ARHGAP23: variants seen among roughly 807,000 people sequenced by gnomAD.
The protein encoded by ARHGAP23 is rho GTPase-activating protein 23.
Under a neutral mutation model 136.3 loss-of-function variants are expected in ARHGAP23, and 34 were observed. The ratio of observed to expected loss-of-function variants is 0.25; its 90% CI spans 0.19 to 0.33. ARHGAP23 has a LOEUF of 0.33. ARHGAP23 is among the 10% of genes least tolerant of loss of function. The pLI is 1.00. For synonymous variants in ARHGAP23, 832 were observed against 920.5 expected (o/e 0.90, Z 1.74); for missense variants, 1,808 against 2,139.0 (o/e 0.85, Z 3.05).
At position 38,482,630 on chromosome 17, in the gene ARHGAP23, A is replaced by G; in HGVS notation, c.2859A>G (p.Leu953=). The G allele has an allele frequency of 6.5e-7, 1 of 1,549,612 alleles. No homozygotes were observed. Among genetic ancestry groups the G allele is most frequent in the Non-Finnish European group, 8.7e-7 (1 of 1,146,698 alleles). ...VPGNNAVVSS[L]QEQLNRGPGD... Reference sequence around the variant, plus strand: ...GCAACAATGCAGTGGTGTCCAGCCTACAGGAGCAGCTCAACCGCGGGCCTG... The same window carrying G: ...GCAACAATGCAGTGGTGTCCAGCCTGCAGGAGCAGCTCAACCGCGGGCCTG... Residue 953 remains leucine, a synonymous_variant, in exon 16 of 24, where the codon CTA becomes CTG. Coordinates refer to ENST00000622683, the MANE Select transcript of ARHGAP23 (RefSeq NM_001199417.2).
intron 10 of ARHGAP23, among the ~76,000 whole-genome samples, chr17:38,471,189 G>C (rs1278723186): frequency 6.6e-6 from 1 of 152,144 alleles, no homozygotes; most frequent in Non-Finnish European, 1.5e-5. Flanking sequence ...CTGACCTCAA[G>C]TGATCCACCT....
At chr17:38,473,407 C>T (rs1422992100) in intron 11 of ARHGAP23, among the ~76,000 whole-genome samples, 2 of 152,182 alleles carry the variant, frequency 1.3e-5, no homozygotes, top group Admixed American at 6.5e-5. Context: ...CCCTGAGCCT[C>T]ACTTTCTGAT....
Position 38,466,867 on chromosome 17 carries a change from G to T in ARHGAP23, c.1184G>T (p.Arg395Leu). 1 of 1,549,636 alleles carries T rather than the reference G, an allele frequency of 6.5e-7. No individual in the cohort carries two copies. Among genetic ancestry groups the T allele is most frequent in the Non-Finnish European group, 8.7e-7 (1 of 1,146,792 alleles). Residue 395 changes from arginine (R) to leucine (L), a missense_variant, in exon 7 of 24, where the codon CGG (arginine) becomes CTG (leucine). Transcript: ENST00000622683. The stretch of plus-strand genomic sequence containing the variant: ...GCCCGCACCCCCGCCTGCCCAACTC[G>T]GGACCTGCCAGGGCCCCAGGCCCCA... ...SSARTPACPT[R>L]DLPGPQAPPP...
intron 12 of ARHGAP23, among the ~76,000 whole-genome samples, chr17:38,478,961 C>T (rs1359699733): frequency 5.3e-5 from 8 of 152,180 alleles, no homozygotes; most frequent in Non-Finnish European, 1.2e-4. Context: ...TCTTACTGAC[C>T]AGGCTCTGCT....
chr17:38,486,171 G>A, intron 17 of ARHGAP23, 31 bp downstream of exon 17: 1 of 1,530,064 alleles, frequency 6.5e-7, no homozygotes. Flanking sequence ...GGGCGGGGAG[G>A]GGACACCAGT....
intron 1 of ARHGAP23, among the ~76,000 whole-genome samples, chr17:38,449,292 C>T (rs1310985402): frequency 2.0e-5 from 3 of 152,200 alleles, no homozygotes; most frequent in Non-Finnish European, 2.9e-5. Context: ...AGTGGCCCTA[C>T]AGGGGAAGAG....
chr17:38,491,290 C>T (rs2040272994), intron 19 of ARHGAP23, 117 bp from the exon 20 acceptor site: 1 of 1,362,050 alleles, frequency 7.3e-7, no homozygotes. Context: ...AAGGGGGTGT[C>T]CACCCTCTAA....
intron 19 of ARHGAP23, among the ~76,000 whole-genome samples, chr17:38,490,786 C>G (rs1273823067): frequency 6.6e-6 from 1 of 152,216 alleles, no homozygotes; most frequent in Non-Finnish European, 1.5e-5. Context: ...CCCGGCCCCC[C>G]GTATCCGATG....
intron 16 of ARHGAP23, among the ~76,000 whole-genome samples, chr17:38,484,992 C>G (rs1483387576): frequency 6.6e-6 from 1 of 152,126 alleles, no homozygotes; most frequent in Non-Finnish European, 1.5e-5. Flanking sequence ...CTGAGTTATT[C>G]TGAGCCATTC....
intron 20 of ARHGAP23, among the ~76,000 whole-genome samples, chr17:38,493,353 G>C (rs1378209259): frequency 6.6e-6 from 1 of 151,874 alleles, no homozygotes; most frequent in Non-Finnish European, 1.5e-5. Context: ...ACACCACCTG[G>C]CTAATTTTTG....
At chr17:38,484,669 G>A (rs1489047302) in intron 16 of ARHGAP23, among the ~76,000 whole-genome samples, 3 of 152,154 alleles carry the variant, frequency 2.0e-5, no homozygotes, top group African/African-American at 4.8e-5. Context: ...TAACGGAGTC[G>A]GGTGGGCAGG....
chr17:38,460,959 C>T (rs1230865100), intron 3 of ARHGAP23, 27 bp downstream of exon 3: 1 of 1,535,364 alleles, frequency 6.5e-7, no homozygotes, highest in Admixed American at 2.0e-5. Flanking sequence ...GGGCGCTGGA[C>T]CTGCACGGGA....
intron 1 of ARHGAP23, among the ~76,000 whole-genome samples, chr17:38,454,453 G>C (rs1347602348): frequency 6.6e-6 from 1 of 152,180 alleles, no homozygotes; most frequent in African/African-American, 2.4e-5. Flanking sequence ...AGACGCTGGG[G>C]CTTCTAGGAA....
At position 38,510,961 on chromosome 17, in the gene ARHGAP23, C is replaced by T. The variant is rs940224541; in HGVS notation, c.4465C>T (p.Gln1489Ter). 1.3e-5 allele frequency: 19 copies of T among 1,452,290 alleles called. No individual in the cohort carries two copies. Among genetic ancestry groups the T allele is most frequent in the Non-Finnish European group, 1.6e-5 (18 of 1,114,708 alleles). The allele number at this position is 1,452,290 out of a possible 1,614,324, so 90.0% of individuals were successfully genotyped here. A position where few individuals can be genotyped will look rare whatever the true frequency, so the allele number is the denominator to read the frequency against. ...PRRSAASRLH[Q>*]CL ...CCGCTCGGCCGCCTCCCGCCTGCAT[C>T]AGTGTCTGTGATCCCCACCTCCCGC... The change falls in exon 24 of 24, where the codon CAG (glutamine) becomes TAG (stop). Residue 1489 changes from glutamine (Q) to a stop codon, truncating the protein, a stop_gained. Transcript: ENST00000622683. LOFTEE classifies it high-confidence loss of function. The surrounding 1 kb of genome is among the most constrained non-coding windows in gnomAD (Gnocchi z 4.6).
chr17:38,420,527 C>T (rs1455435123), intron 1 of ARHGAP23, among the ~76,000 whole-genome samples: 2 of 152,108 alleles, frequency 1.3e-5, no homozygotes, highest in Non-Finnish European at 2.9e-5. Flanking sequence ...TGGCAGAGGG[C>T]TTGTGGGTGG....
chr17:38,446,422 A>T (rs1176573473), intron 1 of ARHGAP23, among the ~76,000 whole-genome samples: 4 of 152,000 alleles, frequency 2.6e-5, no homozygotes, highest in Non-Finnish European at 5.9e-5. Flanking sequence ...CATTGTATAG[A>T]TATACCTCAT....
At chr17:38,467,976 A>G (rs1322871008) in intron 7 of ARHGAP23, among the ~76,000 whole-genome samples, 1 of 152,188 alleles carries the variant, frequency 6.6e-6, no homozygotes, top group Non-Finnish European at 1.5e-5. Context: ...AGGGTGTTGG[A>G]CATGCAGGGA....
chr17:38,484,983 T>G (rs1247859566), intron 16 of ARHGAP23, among the ~76,000 whole-genome samples: 1 of 152,240 alleles, frequency 6.6e-6, no homozygotes, highest in Admixed American at 6.5e-5. Flanking sequence ...TTTCTGGGCC[T>G]GAGTTATTCT....
At chr17:38,465,080 C>G (rs7502253) in intron 6 of ARHGAP23, among the ~76,000 whole-genome samples, 110,076 of 148,192 alleles carry the variant, frequency 0.74, 41,383 homozygotes, top group East Asian at 0.97. Context: ...TGGTCAGTGG[C>G]GGGGTTAGCC....
Sources: gnomAD v4.1 joint callset for allele counts (sites outside exome capture counted in the v4.1 genomes callset) on GRCh38, gnomAD v4.1.1 for gene constraint, Gnocchi (gnomAD v3.1) non-coding constraint, MANE v1.5 for transcripts, NCBI Gene and HGNC (gene_info 2026-07-23, HGNC 2026-07-21) for gene names.